CACHD1: variants seen among roughly 807,000 people sequenced by gnomAD.
The protein encoded by CACHD1 is VWFA and cache domain-containing protein 1.
In CACHD1, 71 loss-of-function variants were observed where a neutral mutation model predicts 138.7. The observed-to-expected ratio is 0.51, with a 90% CI of 0.42 to 0.62. The LOEUF is 0.62. CACHD1 is among the 20% of genes least tolerant of loss of function. The pLI, the probability that CACHD1 is intolerant of heterozygous loss-of-function variation, is 0.00. For synonymous variants in CACHD1, 578 were observed against 591.5 expected, an observed-to-expected ratio of 0.98 and a Z score of 0.33; for missense variants, 1,389 against 1,625.3, an observed-to-expected ratio of 0.85 and a Z score of 2.50.
intron 2 of CACHD1, among the ~76,000 whole-genome samples, chr1:64,553,910 G>A (rs1646778082): frequency 6.6e-6 from 1 of 152,122 alleles, no homozygotes; most frequent in Non-Finnish European, 1.5e-5. Flanking sequence ...ATATTCATTA[G>A]AAGCACCCAT....
intron 26 of CACHD1, among the ~76,000 whole-genome samples, chr1:64,682,442 TC>T (rs1243178288): frequency 1.3e-5 from 2 of 152,006 alleles, no homozygotes; most frequent in Non-Finnish European, 2.9e-5. Flanking sequence ...TTCAGTCATG[TC>T]CCCTTGGGGC....
intron 3 of CACHD1, among the ~76,000 whole-genome samples, chr1:64,589,883 A>G (rs1176071233): frequency 6.6e-6 from 1 of 152,194 alleles, no homozygotes; most frequent in Admixed American, 6.5e-5. Context: ...TTATCTTTAG[A>G]AAGGATAGAA....
chr1:64,550,596 G>C lies in CACHD1; in HGVS notation c.201G>C (p.Arg67=). The change falls in exon 2 of 27, where the codon CGG becomes CGC. Residue 67 remains arginine (R), a splice_region_variant and synonymous_variant. Coordinates refer to ENST00000651257, the MANE Select transcript of CACHD1 (RefSeq NM_020925.4). Reference sequence around the variant, plus strand: ...TGTTCATTTTCTTTTCATTGCAGCGGATATTCAACTCCTTTGTTTACACTG... The same window carrying C: ...TGTTCATTTTCTTTTCATTGCAGCGCATATTCAACTCCTTTGTTTACACTG... ...AEELGVVTMQ[R]IFNSFVYTEK... is the part of the protein sequence containing the mutation. 3 of 1,609,480 alleles carry C rather than the reference G, an allele frequency of 1.9e-6. No homozygotes were observed. Among genetic ancestry groups the C allele is most frequent in the Non-Finnish European group, 2.6e-6 (3 of 1,176,148 alleles).
chr1:64,490,378 A>AG (rs11343425), intron 1 of CACHD1, among the ~76,000 whole-genome samples: 8 of 151,984 alleles, frequency 5.3e-5, no homozygotes, highest in African/African-American at 1.7e-4. Flanking sequence ...ATGCACCTCT[A>AG]GGGGGGAGAA....
intron 1 of CACHD1, among the ~76,000 whole-genome samples, chr1:64,494,175 C>A (rs1294036239): frequency 2.0e-5 from 3 of 152,216 alleles, no homozygotes; most frequent in Admixed American, 2.0e-4. Flanking sequence ...CTTCTCTGAG[C>A]CCTAGTGAAA....
At chr1:64,532,027 A>G (rs1646591317) in intron 1 of CACHD1, among the ~76,000 whole-genome samples, 1 of 152,222 alleles carries the variant, frequency 6.6e-6, no homozygotes, top group African/African-American at 2.4e-5. Flanking sequence ...AGATATGTAA[A>G]CAAATGATTG....
At chr1:64,603,936 A>T (rs1437028223) in intron 4 of CACHD1, among the ~76,000 whole-genome samples, 1 of 152,210 alleles carries the variant, frequency 6.6e-6, no homozygotes, top group Non-Finnish European at 1.5e-5. Context: ...AGATTTTACC[A>T]AGAAAAAAAT....
rs180731314 is a variant in CACHD1 at position 64,523,199 on chromosome 1, A to C, written c.199-27395A>C. Among the ~76,000 whole-genome samples, 223 of 152,342 alleles carry C rather than the reference A, an allele frequency of 1.5e-3. 3 individuals carry two copies. Among genetic ancestry groups the C allele is most frequent in the African/African-American group, 5.0e-3 (208 of 41,576 alleles). On this transcript the variant is annotated intron_variant, in intron 1 of 26. Transcript: ENST00000651257. ...TATGCAGACTAATTGTAGATGACAC[A>C]ATATGGTATCTTTCATTTTATTCAG... is the stretch of plus-strand genomic sequence containing the variant.
At chr1:64,649,539 TGAGG>T (rs1246798092) in intron 9 of CACHD1, among the ~76,000 whole-genome samples, 26 of 152,234 alleles carry the variant, frequency 1.7e-4, no homozygotes, top group African/African-American at 6.0e-4. Flanking sequence ...CAGTGATGAG[TGAGG>T]CTCACCTCCT....
At chr1:64,477,600 A>ATTATTAT (rs2100264553) in intron 1 of CACHD1, among the ~76,000 whole-genome samples, 1 of 142,422 alleles carries the variant, frequency 7.0e-6, no homozygotes, top group East Asian at 2.0e-4. Flanking sequence ...TATTATTATT[A>ATTATTAT]TTATTATTAT....
Position 64,675,999 on chromosome 1 carries a change from A to G in CACHD1, c.2975+16A>G, listed in dbSNP as rs766963245. 6 of 54,904 alleles carry G rather than the reference A, an allele frequency of 1.1e-4. No homozygotes were observed. Among genetic ancestry groups the G allele is most frequent in the Non-Finnish European group, 1.4e-4 (6 of 41,792 alleles). The allele number at this position is 54,904 out of a possible 1,614,324, so 3.4% of individuals were successfully genotyped here. A position where few individuals can be genotyped will look rare whatever the true frequency, so the allele number is the denominator to read the frequency against. On this transcript the variant is annotated intron_variant, in intron 21 of 26. Transcript: ENST00000651257. ...CAGAGAACCGGTAAAATAATTAATAATAATAATAATAATAATAATAATAAT... is the reference window on the plus strand; with the variant it reads ...CAGAGAACCGGTAAAATAATTAATAGTAATAATAATAATAATAATAATAAT...
intron 3 of CACHD1, among the ~76,000 whole-genome samples, chr1:64,592,681 A>G (rs1557509673): frequency 6.6e-6 from 1 of 152,212 alleles, no homozygotes; most frequent in Non-Finnish European, 1.5e-5. Flanking sequence ...TAGGTCAGCT[A>G]CACAAATTTC....
chr1:64,673,755 G>T (rs1381756360), intron 19 of CACHD1, among the ~76,000 whole-genome samples: 1 of 152,104 alleles, frequency 6.6e-6, no homozygotes, highest in African/African-American at 2.4e-5. Context: ...TGCTGAAGTT[G>T]GTTCCCACAG....
At chr1:64,602,959 T>C (rs1222586086) in intron 4 of CACHD1, 47 bp downstream of exon 4, 12 of 1,193,576 alleles carry the variant, frequency 1.0e-5, no homozygotes, top group South Asian at 2.5e-5. Context: ...TTCTACTGCA[T>C]TCAAGTTGAA....
intron 23 of CACHD1, among the ~76,000 whole-genome samples, chr1:64,679,330 T>G (rs1373767588): frequency 6.6e-6 from 1 of 152,204 alleles, no homozygotes; most frequent in Non-Finnish European, 1.5e-5. Flanking sequence ...AAGCAATTCT[T>G]CTGGTCTGCT....
At chr1:64,675,321 T>A (rs1570473798) in intron 19 of CACHD1, 80 bp from the exon 20 acceptor site, 5 of 1,137,088 alleles carry the variant, frequency 4.4e-6, no homozygotes, top group African/African-American at 3.0e-5. Context: ...TCGTAGGTAG[T>A]TGAAGAGTTG....
At chr1:64,563,445 A>G (rs1027527211) in intron 2 of CACHD1, among the ~76,000 whole-genome samples, 3 of 152,208 alleles carry the variant, frequency 2.0e-5, no homozygotes, top group African/African-American at 7.2e-5. Context: ...TGAAAGCAAG[A>G]TATACTTCCA....
chr1:64,474,773 T>C (rs1646164745), intron 1 of CACHD1, among the ~76,000 whole-genome samples: 1 of 152,224 alleles, frequency 6.6e-6, no homozygotes, highest in Non-Finnish European at 1.5e-5. Context: ...TTTAACATTA[T>C]AGGACAGTAC....
intron 1 of CACHD1, among the ~76,000 whole-genome samples, chr1:64,482,107 G>C (rs1646214602): frequency 6.6e-6 from 1 of 152,130 alleles, no homozygotes; most frequent in Non-Finnish European, 1.5e-5. Flanking sequence ...ATTACTGGTA[G>C]CATATGTCTG....
Sources: allele counts gnomAD v4.1 joint callset (sites outside exome capture counted in the v4.1 genomes callset), GRCh38; gene constraint gnomAD v4.1.1; transcripts MANE v1.5; gene names NCBI Gene and HGNC (gene_info 2026-07-23, HGNC 2026-07-21).